Variants in DOCK5 observed in about 807,000 individuals in gnomAD.
The protein encoded by DOCK5 is dedicator of cytokinesis protein 5.
A neutral mutation model predicts 251.8 loss-of-function variants in DOCK5; 142 were observed. The ratio of observed to expected loss-of-function variants is 0.56; its 90% CI spans 0.49 to 0.65. DOCK5 has a LOEUF of 0.65. Ranked by LOEUF, DOCK5 falls within the 30% of genes least tolerant of loss-of-function variation. The pLI is 0.00. For missense variants in DOCK5, 2,111 were observed against 2,312.3 expected (o/e 0.91, Z 1.79); for synonymous variants, 842 against 835.5 (o/e 1.01, Z -0.13).
intron 49 of DOCK5, 44 bp downstream of exon 49, chr8:25,408,198 C>A (rs1290770758): frequency 6.5e-7 from 1 of 1,528,816 alleles, no homozygotes; most frequent in African/African-American, 1.4e-5. Context: ...GAGGCTTGCC[C>A]CCCTCTCCCC....
chr8:25,253,782 C>T (rs758123870), intron 2 of DOCK5, among the ~76,000 whole-genome samples: 24 of 152,210 alleles, frequency 1.6e-4, no homozygotes, highest in Non-Finnish European at 3.5e-4. Flanking sequence ...ATCCCATGTT[C>T]ATGGGTAGGG....
chr8:25,396,036 G>A (rs554943958), intron 45 of DOCK5, among the ~76,000 whole-genome samples: 107 of 152,234 alleles, frequency 7.0e-4, no homozygotes, highest in Non-Finnish European at 9.9e-4. Flanking sequence ...CAGGCGCACT[G>A]GAAATGAAGC....
intron 47 of DOCK5, among the ~76,000 whole-genome samples, chr8:25,402,111 G>A (rs568259262): frequency 1.3e-5 from 2 of 151,998 alleles, no homozygotes; most frequent in East Asian, 3.9e-4. Context: ...CTCTTTAATG[G>A]TCTTATTCTT....
intron 1 of DOCK5, among the ~76,000 whole-genome samples, chr8:25,198,763 C>T: frequency 6.6e-6 from 1 of 152,146 alleles, no homozygotes; most frequent in South Asian, 2.1e-4. Flanking sequence ...AGTCACACAG[C>T]TAGTAGCAAA....
intron 1 of DOCK5, among the ~76,000 whole-genome samples, chr8:25,240,948 G>A (rs953160058): frequency 2.0e-5 from 3 of 152,154 alleles, no homozygotes; most frequent in Non-Finnish European, 4.4e-5. Context: ...GGCCTTCTCT[G>A]ACTTGCAGTC....
chr8:25,296,684 G>A, intron 7 of DOCK5, 36 bp downstream of exon 7: 1 of 1,603,866 alleles, frequency 6.2e-7, no homozygotes, highest in South Asian at 1.1e-5. Context: ...TGCCCACTGA[G>A]GTTCCATTTT....
chr8:25,300,244 A>C (rs1263762588), intron 8 of DOCK5, among the ~76,000 whole-genome samples: 2 of 152,250 alleles, frequency 1.3e-5, no homozygotes, highest in East Asian at 3.8e-4. Flanking sequence ...TGAAACTTTT[A>C]TTCAAAGATT....
At chr8:25,286,090 G>A (rs1452635538) in intron 5 of DOCK5, among the ~76,000 whole-genome samples, 1 of 152,130 alleles carries the variant, frequency 6.6e-6, no homozygotes, top group East Asian at 1.9e-4. Context: ...AAAGGCACTA[G>A]AATGGATAGG....
At chr8:25,190,635 G>A (rs891036279) in intron 1 of DOCK5, among the ~76,000 whole-genome samples, 1 of 152,090 alleles carries the variant, frequency 6.6e-6, no homozygotes, top group African/African-American at 2.4e-5. Context: ...ATCCTTGGCT[G>A]AGGATCACAT....
chr8:25,239,918 T>C (rs1308959620), intron 1 of DOCK5, among the ~76,000 whole-genome samples: 1 of 152,114 alleles, frequency 6.6e-6, no homozygotes, highest in Non-Finnish European at 1.5e-5. Context: ...GAGAGGCCAC[T>C]GGAAAACAGG....
chr8:25,328,858 G>A (rs1185910693), intron 18 of DOCK5, among the ~76,000 whole-genome samples: 6 of 152,210 alleles, frequency 3.9e-5, no homozygotes, highest in Non-Finnish European at 8.8e-5. Flanking sequence ...TACTCAGTCA[G>A]TCATTGCACC....
At chr8:25,197,730 C>T (rs111243870) in intron 1 of DOCK5, among the ~76,000 whole-genome samples, 2 of 144,540 alleles carry the variant, frequency 1.4e-5, no homozygotes, top group Non-Finnish European at 3.0e-5. Flanking sequence ...ACTACAGGTA[C>T]ATGCAACCAT....
chr8:25,265,933 T>C (rs560143114), intron 2 of DOCK5, among the ~76,000 whole-genome samples: 47 of 151,962 alleles, frequency 3.1e-4, no homozygotes, highest in Middle Eastern at 6.8e-3. Context: ...TTATTCTGGA[T>C]TAGAGCAATC....
rs749096476 is a variant in DOCK5 at position 25,359,088 on chromosome 8, A to G, written c.2949+27A>G. 11 of 1,588,682 alleles carry G rather than the reference A, an allele frequency of 6.9e-6. No homozygotes were observed. The South Asian group carries it at 1.2e-4, about 18-fold the overall frequency. On this transcript the variant is annotated intron_variant, in intron 28 of 51. Transcript: ENST00000276440. ...TAAGTTGCCTTTACTGGTCCTGGTA[A>G]CCTGAAGACTTCTTAAATTTGGTTT...
chr8:25,285,292 C>T (rs549196362), intron 5 of DOCK5, among the ~76,000 whole-genome samples: 2 of 151,976 alleles, frequency 1.3e-5, no homozygotes, highest in African/African-American at 2.4e-5. Flanking sequence ...ATTACAGGTG[C>T]GCATCACCAC....
At chr8:25,322,008 G>A (rs553360563) in intron 16 of DOCK5, among the ~76,000 whole-genome samples, 2 of 152,088 alleles carry the variant, frequency 1.3e-5, no homozygotes, top group Non-Finnish European at 2.9e-5. Context: ...TTCTTGAAAT[G>A]GCTACACTAA....
At chr8:25,245,769 A>G (rs558306279) in intron 2 of DOCK5, among the ~76,000 whole-genome samples, 1 of 152,202 alleles carries the variant, frequency 6.6e-6, no homozygotes, top group East Asian at 1.9e-4. Flanking sequence ...TGAACTCCTG[A>G]GCTCAGGTGA....
At chr8:25,291,873 A>T in intron 5 of DOCK5, 151 bp from the exon 6 acceptor site, 1 of 168,694 alleles carries the variant, frequency 5.9e-6, no homozygotes, top group Non-Finnish European at 7.3e-6. Flanking sequence ...ACTCCATCAC[A>T]AAAAAAAAAA....
At chr8:25,328,353 CAG>C (rs1805609610) in intron 18 of DOCK5, among the ~76,000 whole-genome samples, 1 of 151,992 alleles carries the variant, frequency 6.6e-6, no homozygotes. Context: ...GGAGAGGGAA[CAG>C]GGTACAGAGA....
Sources: allele counts gnomAD v4.1 joint callset (sites outside exome capture counted in the v4.1 genomes callset), GRCh38; gene constraint gnomAD v4.1.1; transcripts MANE v1.5; gene names NCBI Gene and HGNC (gene_info 2026-07-23, HGNC 2026-07-21).